Variants in ANGPT2 observed in about 807,000 individuals in gnomAD.
ANGPT2 encodes the protein angiopoietin 2, also known as angiopoietin-2.
In ANGPT2, 28 loss-of-function variants were observed where a neutral mutation model predicts 62.9. The observed-to-expected ratio is 0.44, with a 90% CI of 0.33 to 0.61. ANGPT2 has a LOEUF of 0.61. Ranked by LOEUF, ANGPT2 falls within the 20% of genes least tolerant of loss-of-function variation. The pLI, the probability that ANGPT2 is intolerant of heterozygous loss-of-function variation, is 0.03. For missense variants in ANGPT2, 727 were observed against 594.9 expected (o/e 1.22, Z -2.31); for synonymous variants, 284 against 207.8 (o/e 1.37, Z -3.15).
Position 6,503,143 on chromosome 8 carries a change from C to T in ANGPT2, c.1446G>A (p.Ser482=), listed in dbSNP as rs556882297. Reference sequence around the variant, plus strand: ...GGATCATCATGGTTGTGGCCTTGAGCGAATAGCCTGAGCCTTTCCAGTAGT... The same window carrying T: ...GGATCATCATGGTTGTGGCCTTGAGTGAATAGCCTGAGCCTTTCCAGTAGT... ...KWYYWKGSGY[S]LKATTMMIRP... The change falls in exon 9 of 9, where the codon TCG becomes TCA. Residue 482 remains serine (S), a synonymous_variant. Transcript: ENST00000629816. 71 of 1,614,136 alleles carry T rather than the reference C, an allele frequency of 4.4e-5. No individual in the cohort carries two copies. The highest frequency in any genetic ancestry group is 1.1e-4 in the East Asian group (5 of 44,884).
intron 8 of ANGPT2, among the ~76,000 whole-genome samples, chr8:6,504,894 C>A (rs570815551): frequency 2.0e-4 from 30 of 151,952 alleles, no homozygotes; most frequent in African/African-American, 7.0e-4. Flanking sequence ...TGGAATGTTT[C>A]CCCTAAGGAT....
intron 1 of ANGPT2, among the ~76,000 whole-genome samples, chr8:6,540,537 A>T (rs1368945975): frequency 1.3e-5 from 2 of 152,236 alleles, no homozygotes; most frequent in Non-Finnish European, 2.9e-5. Context: ...TGCATACCTG[A>T]CACTTGCACA....
At chr8:6,525,659 G>A (rs571819500) in intron 3 of ANGPT2, among the ~76,000 whole-genome samples, 292 of 150,892 alleles carry the variant, frequency 1.9e-3, no homozygotes, top group African/African-American at 7.0e-3. Context: ...TAAAATCATA[G>A]GCCAGTCAGA....
intron 1 of ANGPT2, among the ~76,000 whole-genome samples, chr8:6,540,755 A>G (rs1586495615): frequency 1.3e-5 from 2 of 152,404 alleles, no homozygotes; most frequent in East Asian, 1.9e-4. Context: ...AGACAAAGGC[A>G]GGCATGCAGG....
chr8:6,525,141 A>G (rs1160204448), intron 3 of ANGPT2, among the ~76,000 whole-genome samples: 3 of 152,268 alleles, frequency 2.0e-5, no homozygotes, highest in Admixed American at 1.3e-4. Context: ...TTAACCAGCC[A>G]AGGAACTGGC....
intron 8 of ANGPT2, among the ~76,000 whole-genome samples, chr8:6,507,099 T>C: frequency 6.6e-6 from 1 of 152,158 alleles, no homozygotes; most frequent in East Asian, 1.9e-4. Context: ...GGTTTTGCCA[T>C]GTTGGCCAGG....
chr8:6,500,174 C>A lies in ANGPT2; in HGVS notation c.*2927G>T. On this transcript the variant is annotated 3_prime_UTR_variant, in exon 9 of 9. Coordinates refer to ENST00000629816, the MANE Select transcript of ANGPT2 (RefSeq NM_001118887.2). Reference sequence around the variant, plus strand: ...AAGAAAATTTGACGATTAACATCCTCAGAACTGAGAAAAACAAAAATGAAA... The same window carrying A: ...AAGAAAATTTGACGATTAACATCCTAAGAACTGAGAAAAACAAAAATGAAA... 1 of 500,846 alleles carries A rather than the reference C, an allele frequency of 2.0e-6. No individual in the cohort carries two copies. Among genetic ancestry groups the A allele is most frequent in the South Asian group, 2.1e-5 (1 of 46,518 alleles). The allele number at this position is 500,846 out of a possible 1,614,324, so 31.0% of individuals were successfully genotyped here. A position where few individuals can be genotyped will look rare whatever the true frequency, so the allele number is the denominator to read the frequency against.
At chr8:6,537,663 C>G (rs1268996699) in intron 1 of ANGPT2, among the ~76,000 whole-genome samples, 1 of 151,848 alleles carries the variant, frequency 6.6e-6, no homozygotes, top group South Asian at 2.1e-4. Flanking sequence ...AAAAATAGGT[C>G]CATTTGTGAG....
chr8:6,533,709 T>C (rs971992286), intron 1 of ANGPT2, among the ~76,000 whole-genome samples: 2 of 151,936 alleles, frequency 1.3e-5, no homozygotes, highest in Non-Finnish European at 2.9e-5. Flanking sequence ...GTTTATTACA[T>C]TGAATAATTG....
At position 6,532,443 on chromosome 8, in the gene ANGPT2, C is replaced by T. The variant is rs148673964; in HGVS notation, c.333G>A (p.Glu111=). 10 of 1,613,844 alleles carry T rather than the reference C, an allele frequency of 6.2e-6. No individual in the cohort carries two copies. In the African/African-American group the frequency reaches 1.3e-4, roughly 22 times the overall value. The change falls in exon 2 of 9, where the codon GAG becomes GAA. Residue 111 remains glutamate, a synonymous_variant. Coordinates refer to ENST00000629816, the MANE Select transcript of ANGPT2 (RefSeq NM_001118887.2). ...GGTTCTGTACTGCATTCTGCTGTAT[C>T]TCTACCATTTCTTTCTTCATGTTGT... ...IQDNMKKEMV[E]IQQNAVQNQT...
At chr8:6,506,853 A>G (rs1282665856) in intron 8 of ANGPT2, among the ~76,000 whole-genome samples, 2 of 151,720 alleles carry the variant, frequency 1.3e-5, no homozygotes, top group East Asian at 1.9e-4. Flanking sequence ...AAAATTACTG[A>G]ATTTCATATT....
intron 3 of ANGPT2, among the ~76,000 whole-genome samples, chr8:6,522,530 T>C (rs1449762731): frequency 6.6e-6 from 1 of 152,000 alleles, no homozygotes; most frequent in Admixed American, 6.6e-5. Context: ...TCCCAGCACT[T>C]TGGAAGGCTG....
intron 1 of ANGPT2, among the ~76,000 whole-genome samples, chr8:6,562,032 G>T (rs762879270): frequency 6.6e-6 from 1 of 152,172 alleles, no homozygotes; most frequent in African/African-American, 2.4e-5. Context: ...CTTGGGAACT[G>T]TGCCCCTGTT....
At chr8:6,514,882 A>G in intron 5 of ANGPT2, 104 bp from the exon 6 acceptor site, 1 of 933,052 alleles carries the variant, frequency 1.1e-6, no homozygotes, top group Non-Finnish European at 1.7e-6. Context: ...CTCAGCCGAG[A>G]GGGTTCTCTG....
chr8:6,530,592 T>A (rs1421963623), intron 2 of ANGPT2, among the ~76,000 whole-genome samples: 3 of 152,094 alleles, frequency 2.0e-5, no homozygotes, highest in Admixed American at 6.5e-5. Flanking sequence ...AGATATATAT[T>A]GATATATTGA....
chr8:6,505,090 A>G (rs904565528), intron 8 of ANGPT2, among the ~76,000 whole-genome samples: 4 of 120,310 alleles, frequency 3.3e-5, no homozygotes, highest in Admixed American at 9.4e-5. Context: ...CCTCGACCCA[A>G]GCGTCAGGTA....
chr8:6,537,154 T>C (rs1459652977), intron 1 of ANGPT2, among the ~76,000 whole-genome samples: 1 of 152,144 alleles, frequency 6.6e-6, no homozygotes, highest in Non-Finnish European at 1.5e-5. Context: ...CAATTTCACA[T>C]GCATAGCATG....
chr8:6,533,812 A>G (rs2129572148), intron 1 of ANGPT2, among the ~76,000 whole-genome samples: 1 of 152,196 alleles, frequency 6.6e-6, no homozygotes, highest in Middle Eastern at 3.4e-3. Context: ...ATCAGACATG[A>G]TTTCCCCCAA....
chr8:6,516,285 T>C (rs1303178345), intron 5 of ANGPT2, among the ~76,000 whole-genome samples: 1 of 152,242 alleles, frequency 6.6e-6, no homozygotes, highest in Non-Finnish European at 1.5e-5. Flanking sequence ...CCAGATACTT[T>C]GTGTATATTA....
Sources: gnomAD v4.1 joint callset for allele counts (sites outside exome capture counted in the v4.1 genomes callset) on GRCh38, gnomAD v4.1.1 for gene constraint, MANE v1.5 for transcripts, NCBI Gene and HGNC (gene_info 2026-07-23, HGNC 2026-07-21) for gene names.